The following SENP6 variants were observed in gnomAD, a reference collection of about 807,000 sequenced individuals.
SENP6 encodes the protein sentrin-specific protease 6.
Under a neutral mutation model 134.5 loss-of-function variants are expected in SENP6, and 41 were observed. The ratio of observed to expected loss-of-function variants is 0.30; its 90% confidence interval spans 0.24 to 0.40. The LOEUF is 0.40. SENP6 is among the 10% of genes least tolerant of loss of function. SENP6 has a pLI of 1.00. For missense variants in SENP6, 1,248 were observed against 1,312.5 expected (o/e 0.95, Z 0.76); for synonymous variants, 395 against 429.8 (o/e 0.92, Z 1.00).
chr6:75,677,155 A>T lies in SENP6; in HGVS notation c.1747A>T (p.Ile583Phe). 6.2e-7 allele frequency: 1 copy of T among 1,612,502 alleles called. No homozygotes were observed. The highest frequency in any genetic ancestry group is 1.7e-4 in the Middle Eastern group (1 of 6,054). Residue 583 changes from isoleucine to phenylalanine, a missense_variant, in exon 14 of 24, where the codon ATT (isoleucine) becomes TTT (phenylalanine). Physicochemically the swap from Ile to Phe is conservative, Grantham distance 21. Around this residue, in one of 3 missense-constraint regions of SENP6, gnomAD observed 733 missense variants for 725.4 expected, o/e 1.01. Transcript: ENST00000447266. ...TAACATCTCCAATTTTTTTGCGAAA[A>T]TTCCCTTTGAAGAAGCTAATGGCAG... ...KNNISNFFAK[I>F]PFEEANGRLV...
chr6:75,666,497 A>G (rs1772255806), intron 9 of SENP6, among the ~76,000 whole-genome samples: 1 of 151,316 alleles, frequency 6.6e-6, no homozygotes. Flanking sequence ...AAAAGATACC[A>G]AGTCTTAATG....
At chr6:75,625,758 A>G (rs559239294) in intron 3 of SENP6, among the ~76,000 whole-genome samples, 50 of 152,286 alleles carry the variant, frequency 3.3e-4, no homozygotes, top group African/African-American at 1.2e-3. Flanking sequence ...AGTCCCAGCT[A>G]CGTGGGAGGC....
chr6:75,652,683 C>CAAAAAAAAAAAAAAAAAAAAAAACA (rs71002754), intron 7 of SENP6, among the ~76,000 whole-genome samples: 1 of 75,856 alleles, frequency 1.3e-5, no homozygotes, highest in Non-Finnish European at 2.3e-5. Flanking sequence ...CTAAAAATCT[C>CAAAAAAAAAAAAAAAAAAAAAAACA]AAAAAAAAAA....
intron 3 of SENP6, 56 bp downstream of exon 3, chr6:75,624,016 C>T: frequency 2.2e-6 from 3 of 1,361,102 alleles, no homozygotes; most frequent in African/African-American, 1.5e-5. Context: ...AAAATTGTTA[C>T]CTCAAAAGAT....
At chr6:75,605,835 G>A (rs1022340659) in intron 1 of SENP6, among the ~76,000 whole-genome samples, 9 of 151,920 alleles carry the variant, frequency 5.9e-5, no homozygotes, top group African/African-American at 2.2e-4. Context: ...TAATTAGGGG[G>A]CAAGATTAAA....
intron 7 of SENP6, among the ~76,000 whole-genome samples, chr6:75,650,033 C>G (rs190430433): frequency 2.0e-5 from 3 of 152,272 alleles, no homozygotes; most frequent in Non-Finnish European, 2.9e-5. Flanking sequence ...TTCTGTTCCA[C>G]GATTCATTCT....
chr6:75,612,381 A>C (rs1322703032), intron 1 of SENP6, among the ~76,000 whole-genome samples: 2 of 152,136 alleles, frequency 1.3e-5, no homozygotes, highest in East Asian at 1.9e-4. Context: ...TCATATTCGT[A>C]ATTGTTGTGG....
chr6:75,659,287 G>A lies in SENP6; in HGVS notation c.576G>A (p.Glu192=), dbSNP rs187363181. Residue 192 remains glutamate (E), a synonymous_variant, in exon 8 of 24, where the codon GAG becomes GAA. Transcript: ENST00000447266. ...AACGTATAATGAAGAAAACAGAAGA[G>A]TCCGAATCACAAGTGGAGCCTGAAA... The part of the protein sequence containing the change: ...GVERIMKKTE[E]SESQVEPEIK... 4.0e-5 allele frequency: 65 copies of A among 1,612,214 alleles called. 1 individual carries two copies. In the South Asian group the frequency reaches 6.5e-4, roughly 16 times the overall value.
intron 5 of SENP6, among the ~76,000 whole-genome samples, chr6:75,639,382 T>A (rs1427039298): frequency 6.7e-6 from 1 of 149,220 alleles, no homozygotes; most frequent in Non-Finnish European, 1.5e-5. Context: ...CTTTTGAAAA[T>A]TTTTTTTAAA....
In SENP6 at chr6:75,675,949, T is replaced by C; in HGVS notation, c.1516T>C (p.Phe506Leu). ...TAATGTCCGAAAATTACCTGTAGTG[T>C]TTCTTCAAGCAATTCCAGCAGTTTA... ...WCNVRKLPVV[F>L]LQAIPAVYQK... is the part of the protein sequence containing the mutation. Residue 506 changes from phenylalanine to leucine, a missense_variant, in exon 13 of 24, where the codon TTT becomes CTT. Transcript: ENST00000447266. 1 of 1,612,864 alleles carries C rather than the reference T, an allele frequency of 6.2e-7. No individual in the cohort carries two copies. The highest frequency in any genetic ancestry group is 8.5e-7 in the Non-Finnish European group (1 of 1,179,338).
At chr6:75,615,182 A>G (rs546618484) in intron 1 of SENP6, among the ~76,000 whole-genome samples, 3 of 150,252 alleles carry the variant, frequency 2.0e-5, no homozygotes, top group Admixed American at 6.7e-5. Flanking sequence ...CTATCCTGCT[A>G]AGAGGTTTGT....
chr6:75,679,456 T>A (rs1472166456), intron 16 of SENP6: 1 of 153,492 alleles, frequency 6.5e-6, no homozygotes, highest in Non-Finnish European at 1.4e-5. Context: ...AGATCGTACA[T>A]ATCAAGTAGT....
chr6:75,695,518 C>T (rs1774599591), intron 16 of SENP6, among the ~76,000 whole-genome samples: 2 of 152,300 alleles, frequency 1.3e-5, no homozygotes, highest in South Asian at 4.1e-4. Flanking sequence ...GGGCGGATTA[C>T]TTGAGGTCAG....
chr6:75,651,116 TA>T (rs2149852649), intron 7 of SENP6, among the ~76,000 whole-genome samples: 1 of 152,278 alleles, frequency 6.6e-6, no homozygotes, highest in South Asian at 2.1e-4. Context: ...TTAGTTGCTT[TA>T]AAAATTTTTT....
At chr6:75,709,702 G>C (rs1461510537) in intron 20 of SENP6, 72 bp downstream of exon 20, 4 of 1,028,708 alleles carry the variant, frequency 3.9e-6, no homozygotes, top group Non-Finnish European at 6.0e-6. Flanking sequence ...GAACATGGTG[G>C]TGCACACCTG....
intron 9 of SENP6, among the ~76,000 whole-genome samples, chr6:75,664,875 T>C (rs1380681555): frequency 1.3e-5 from 2 of 152,212 alleles, no homozygotes; most frequent in East Asian, 1.9e-4. Flanking sequence ...CCTGTTCTCT[T>C]ATAGTTTATG....
intron 9 of SENP6, 50 bp from the exon 10 acceptor site, chr6:75,666,662 A>G (rs1202974336): frequency 5.4e-6 from 5 of 926,138 alleles, no homozygotes; most frequent in Non-Finnish European, 7.1e-6. Context: ...GAAATATAAA[A>G]TTATAACTAT....
chr6:75,668,265 T>C (rs952001897), intron 10 of SENP6, among the ~76,000 whole-genome samples: 3 of 152,102 alleles, frequency 2.0e-5, no homozygotes, highest in Admixed American at 6.6e-5. Flanking sequence ...CTTTCCCACA[T>C]GGTAGCACGA....
intron 4 of SENP6, among the ~76,000 whole-genome samples, chr6:75,634,341 G>C (rs1476115079): frequency 6.6e-6 from 1 of 151,994 alleles, no homozygotes; most frequent in African/African-American, 2.4e-5. Context: ...CCGCCTCCCG[G>C]GTTCAAGTGA....
Sources: gnomAD v4.1 joint callset for allele counts (sites outside exome capture counted in the v4.1 genomes callset) on GRCh38, gnomAD v4.1.1 for gene constraint, gnomAD v4.1.1 regional missense constraint, MANE v1.5 for transcripts, NCBI Gene and HGNC (gene_info 2026-07-23, HGNC 2026-07-21) for gene names.